PTPRT: variants seen among roughly 807,000 people sequenced by gnomAD.
The protein encoded by PTPRT is protein tyrosine phosphatase receptor type T, also known as receptor-type tyrosine-protein phosphatase T.
A neutral mutation model predicts 176.8 loss-of-function variants in PTPRT; 56 were observed. That is an observed-to-expected ratio of 0.32 (90% CI 0.26 to 0.40). PTPRT has a LOEUF of 0.40. Ranked by LOEUF, PTPRT falls within the 10% of genes least tolerant of loss-of-function variation. The pLI, the probability that PTPRT is intolerant of heterozygous loss-of-function variation, is 1.00. For missense variants in PTPRT, 1,540 were observed against 1,908.2 expected (o/e 0.81, Z 3.60); for synonymous variants, 783 against 739.0 (o/e 1.06, Z -0.96).
chr20:42,345,716 T>C (rs1246313725), intron 11 of PTPRT, among the ~76,000 whole-genome samples: 1 of 151,090 alleles, frequency 6.6e-6, no homozygotes, highest in Admixed American at 6.6e-5. Flanking sequence ...TAGAGGGGTA[T>C]GTAGAAACAA....
intron 1 of PTPRT, among the ~76,000 whole-genome samples, chr20:42,954,502 A>C (rs1354983158): frequency 6.6e-6 from 1 of 152,192 alleles, no homozygotes; most frequent in Non-Finnish European, 1.5e-5. Flanking sequence ...TTTGCCTATC[A>C]GACAGCTCTG....
chr20:42,341,421 C>T (rs546924013), intron 11 of PTPRT, among the ~76,000 whole-genome samples: 3 of 151,818 alleles, frequency 2.0e-5, no homozygotes, highest in Admixed American at 6.6e-5. Flanking sequence ...GAAGATTAAA[C>T]GATTAAAAAA....
At chr20:42,583,080 A>G (rs1375992706) in intron 7 of PTPRT, among the ~76,000 whole-genome samples, 3 of 152,210 alleles carry the variant, frequency 2.0e-5, no homozygotes, top group Non-Finnish European at 4.4e-5. Flanking sequence ...TTTTCCTGGC[A>G]CATGCAAATA....
chr20:42,385,060 C>T (rs1488453292), intron 9 of PTPRT, among the ~76,000 whole-genome samples: 1 of 152,128 alleles, frequency 6.6e-6, no homozygotes, highest in Non-Finnish European at 1.5e-5. Flanking sequence ...CTGCTTGTTG[C>T]CTTTGCTGTG....
intron 2 of PTPRT, among the ~76,000 whole-genome samples, chr20:42,881,854 C>T (rs996462439): frequency 6.6e-6 from 1 of 151,892 alleles, no homozygotes; most frequent in Non-Finnish European, 1.5e-5. Flanking sequence ...GCAAAGGACC[C>T]GTGCCAAGAA....
chr20:43,089,483 G>A (rs2146303265), intron 1 of PTPRT, among the ~76,000 whole-genome samples: 1 of 152,320 alleles, frequency 6.6e-6, no homozygotes, highest in South Asian at 2.1e-4. Flanking sequence ...CTGAAGACAT[G>A]TGTTCACCTC....
intron 12 of PTPRT, among the ~76,000 whole-genome samples, chr20:42,296,299 A>G (rs2057385526): frequency 6.6e-6 from 1 of 152,068 alleles, no homozygotes; most frequent in Admixed American, 6.6e-5. Flanking sequence ...TACAAATATA[A>G]GCTGGGTGTG....
At chr20:42,174,984 G>T (rs1990230116) in intron 16 of PTPRT, among the ~76,000 whole-genome samples, 1 of 152,166 alleles carries the variant, frequency 6.6e-6, no homozygotes, top group Admixed American at 6.5e-5. Context: ...CAGAAGAAGA[G>T]ATAGTCATTT....
At chr20:42,422,623 T>C (rs1380471521) in intron 9 of PTPRT, among the ~76,000 whole-genome samples, 2 of 152,194 alleles carry the variant, frequency 1.3e-5, no homozygotes, top group South Asian at 2.1e-4. Context: ...ATTCAGCCAT[T>C]GTGGAAGGCA....
chr20:42,314,866 CA>C (rs1379403851), intron 12 of PTPRT, among the ~76,000 whole-genome samples: 1 of 152,160 alleles, frequency 6.6e-6, no homozygotes, highest in Admixed American at 6.5e-5. Context: ...CTCCAGAAAA[CA>C]GTAAAGCTAC....
intron 3 of PTPRT, among the ~76,000 whole-genome samples, chr20:42,780,747 T>C (rs2077202498): frequency 6.6e-6 from 1 of 152,218 alleles, no homozygotes; most frequent in Non-Finnish European, 1.5e-5. Context: ...GAGTTGATTC[T>C]ACATTGCCAA....
At chr20:42,375,617 T>C (rs1419450869) in intron 9 of PTPRT, among the ~76,000 whole-genome samples, 1 of 152,208 alleles carries the variant, frequency 6.6e-6, no homozygotes, top group African/African-American at 2.4e-5. Context: ...TTCTGTTCTT[T>C]ATTAATTACC....
chr20:42,602,920 CACTTAAG>C (rs1043858391), intron 7 of PTPRT, among the ~76,000 whole-genome samples: 2 of 152,186 alleles, frequency 1.3e-5, no homozygotes, highest in Admixed American at 6.5e-5. Context: ...CCTTGGCAAA[CACTTAAG>C]ACTTAAGAGT....
chr20:43,073,028 C>T (rs572422154), intron 1 of PTPRT, among the ~76,000 whole-genome samples: 1 of 152,296 alleles, frequency 6.6e-6, no homozygotes, highest in Non-Finnish European at 1.5e-5. Flanking sequence ...AAAAAGACTT[C>T]CAAGCAGCCT....
At chr20:42,954,418 G>A (rs1268770774) in intron 1 of PTPRT, among the ~76,000 whole-genome samples, 1 of 152,140 alleles carries the variant, frequency 6.6e-6, no homozygotes, top group South Asian at 2.1e-4. Flanking sequence ...TGGTCCAGGA[G>A]GACAGCATCC....
chr20:42,477,241 G>A lies in PTPRT; in HGVS notation c.1154-4679C>T, dbSNP rs141756555. On this transcript the variant is annotated intron_variant, in intron 7 of 30. Transcript: ENST00000373187. The stretch of plus-strand genomic sequence containing the variant: ...TTCTGTTTGCCAGTAACCTCACAAC[G>A]TGGCACAGGGTCTGTCAAGGGGCAG... Among the ~76,000 whole-genome samples, 7 of 152,270 alleles carry A rather than the reference G, an allele frequency of 4.6e-5. No individual in the cohort carries two copies. The South Asian group carries it at 8.3e-4, about 18-fold the overall frequency.
At chr20:42,947,765 A>G (rs1323949510) in intron 1 of PTPRT, among the ~76,000 whole-genome samples, 1 of 152,024 alleles carries the variant, frequency 6.6e-6, no homozygotes, top group South Asian at 2.1e-4. Context: ...TCTCCAATCC[A>G]GTGCATGAGG....
chr20:42,641,526 T>C (rs1261246215), intron 7 of PTPRT, among the ~76,000 whole-genome samples: 1 of 152,164 alleles, frequency 6.6e-6, no homozygotes, highest in East Asian at 1.9e-4. Flanking sequence ...AGGCATCAGC[T>C]TTTCTGTAAA....
chr20:43,028,551 C>T (rs942173379), intron 1 of PTPRT, among the ~76,000 whole-genome samples: 8 of 152,128 alleles, frequency 5.3e-5, no homozygotes, highest in African/African-American at 1.9e-4. Flanking sequence ...GACATAAGCA[C>T]TTTGGTCTTC....
Sources: gnomAD v4.1 joint callset for allele counts (sites outside exome capture counted in the v4.1 genomes callset) on GRCh38, gnomAD v4.1.1 for gene constraint, MANE v1.5 for transcripts, NCBI Gene and HGNC (gene_info 2026-07-23, HGNC 2026-07-21) for gene names.